The following ATRNL1 variants were observed in gnomAD, a reference collection of about 807,000 sequenced individuals.
The protein encoded by ATRNL1 is attractin-like protein 1.
A neutral mutation model predicts 182.7 loss-of-function variants in ATRNL1; 95 were observed. The ratio of observed to expected loss-of-function variants is 0.52; its 90% confidence interval spans 0.44 to 0.62. ATRNL1 has a LOEUF of 0.62. Ranked by LOEUF, ATRNL1 falls within the 20% of genes least tolerant of loss-of-function variation. ATRNL1 has a pLI of 0.00. For synonymous variants in ATRNL1, 576 were observed against 568.3 expected, an observed-to-expected ratio of 1.01 and a Z score of -0.19; for missense variants, 1,471 against 1,679.5, an observed-to-expected ratio of 0.88 and a Z score of 2.17.
rs17093551 is a variant in ATRNL1, at chr10:115,747,517, T to C, written c.3903+20162T>C. ...GGAGGCTGACTTTAACCAAGGAATA[T>C]GTAATGAATAGAACCCAAATACAGT... On this transcript the variant is annotated intron_variant, in intron 27 of 28. Transcript: ENST00000355044. Among the ~76,000 whole-genome samples the C allele has an allele frequency of 4.3e-3, 654 of 152,190 alleles. 21 individuals carry two copies. In the East Asian group the frequency reaches 0.056, roughly 13 times the overall value.
At chr10:115,540,774 G>C (rs371372544) in intron 25 of ATRNL1, among the ~76,000 whole-genome samples, 26,533 of 70,702 alleles carry the variant, frequency 0.38, 3,008 homozygotes, top group Non-Finnish European at 0.48. Flanking sequence ...AAAAAAAAAG[G>C]GGGGAGGGAA....
intron 28 of ATRNL1, among the ~76,000 whole-genome samples, chr10:115,870,062 T>C (rs782109614): frequency 6.7e-6 from 1 of 149,576 alleles, no homozygotes. Flanking sequence ...GTTATTTCCT[T>C]GGGACACATT....
chr10:115,138,662 C>G (rs1278031083), intron 5 of ATRNL1, among the ~76,000 whole-genome samples: 3 of 152,150 alleles, frequency 2.0e-5, no homozygotes, highest in African/African-American at 7.2e-5. Context: ...GCAGGGGGGC[C>G]CTGGGCCTGA....
intron 1 of ATRNL1, among the ~76,000 whole-genome samples, chr10:115,102,556 GC>G (rs1487843183): frequency 1.6e-4 from 25 of 152,236 alleles, no homozygotes; most frequent in South Asian, 8.3e-4. Context: ...CGGTTCTCCT[GC>G]CTCAGCCTCT....
intron 27 of ATRNL1, among the ~76,000 whole-genome samples, chr10:115,793,828 G>C (rs1284833840): frequency 2.0e-5 from 3 of 152,110 alleles, no homozygotes; most frequent in African/African-American, 7.2e-5. Flanking sequence ...TTTCTTTGTG[G>C]TGGGTGATGA....
intron 26 of ATRNL1, among the ~76,000 whole-genome samples, chr10:115,595,412 T>A (rs1439600926): frequency 1.3e-5 from 2 of 152,208 alleles, no homozygotes; most frequent in African/African-American, 4.8e-5. Flanking sequence ...ATATTATATA[T>A]TAACTAGTGA....
intron 28 of ATRNL1, among the ~76,000 whole-genome samples, chr10:115,874,693 C>CA (rs1555106813): frequency 3.3e-5 from 5 of 152,052 alleles, no homozygotes; most frequent in African/African-American, 1.2e-4. Flanking sequence ...CTGAGATTTC[C>CA]AAGTGATAGA....
chr10:115,667,457 G>A (rs1208309991), intron 26 of ATRNL1, among the ~76,000 whole-genome samples: 2 of 152,084 alleles, frequency 1.3e-5, no homozygotes, highest in Non-Finnish European at 2.9e-5. Flanking sequence ...GCTTAAGTCA[G>A]AACCTGTCTG....
chr10:115,411,005 G>A (rs1298385059), intron 20 of ATRNL1, among the ~76,000 whole-genome samples: 1 of 151,932 alleles, frequency 6.6e-6, no homozygotes, highest in African/African-American at 2.4e-5. Context: ...CAAAGTACTG[G>A]GACTACAGGC....
chr10:115,233,584 A>T (rs1336626696), intron 9 of ATRNL1, among the ~76,000 whole-genome samples: 1 of 152,134 alleles, frequency 6.6e-6, no homozygotes, highest in Non-Finnish European at 1.5e-5. Flanking sequence ...GATAACAGGC[A>T]TCTATTTTAT....
In ATRNL1 at chr10:115,544,390, A is replaced by G. The variant is rs1852528180; in HGVS notation, c.3717-5068A>G. On this transcript the variant is annotated intron_variant, in intron 25 of 28. Transcript: ENST00000355044. Reference sequence around the variant, plus strand: ...GATAAATTATAAAGAAAAGAGTTTAATTGGCTCATGGTTCTGCAGGCTTTA... The same window carrying G: ...GATAAATTATAAAGAAAAGAGTTTAGTTGGCTCATGGTTCTGCAGGCTTTA... Among the ~76,000 whole-genome samples, 2 of 152,178 alleles carry G rather than the reference A, an allele frequency of 1.3e-5. 1 individual carries two copies. Among genetic ancestry groups the G allele is most frequent in the Admixed American group, 1.3e-4 (2 of 15,270 alleles).
intron 28 of ATRNL1, among the ~76,000 whole-genome samples, chr10:115,925,228 A>G (rs1953189131): frequency 6.6e-6 from 1 of 152,108 alleles, no homozygotes; most frequent in Non-Finnish European, 1.5e-5. Context: ...TCCTATTTGA[A>G]TACCCTTTAT....
At chr10:115,653,477 T>C (rs937629096) in intron 26 of ATRNL1, among the ~76,000 whole-genome samples, 1 of 152,216 alleles carries the variant, frequency 6.6e-6, no homozygotes, top group Non-Finnish European at 1.5e-5. Flanking sequence ...TAGATCTGTT[T>C]GCAAACTTTG....
rs1554916753 is a variant in ATRNL1 at position 115,281,392 on chromosome 10, A to G, written c.2138A>G (p.Glu713Gly). ...KNYTKCHVRN[E>G]QICNKLTSCK... ...TACACCAAATGTCATGTGAGAAATGAGCAGATTTGTAACAAACTTACCAGC... is the reference window on the plus strand; with the variant it reads ...TACACCAAATGTCATGTGAGAAATGGGCAGATTTGTAACAAACTTACCAGC... The change falls in exon 14 of 29, where the codon GAG becomes GGG. Residue 713 changes from glutamate (E) to glycine (G), a missense_variant. By Grantham distance (98) the Glu-to-Gly change is moderately conservative. Coordinates refer to ENST00000355044, the MANE Select transcript of ATRNL1 (RefSeq NM_207303.4). 3.1e-6 allele frequency: 5 copies of G among 1,613,326 alleles called. No homozygotes were observed.
intron 26 of ATRNL1, among the ~76,000 whole-genome samples, chr10:115,665,879 G>T (rs1307726229): frequency 2.0e-5 from 3 of 152,208 alleles, no homozygotes; most frequent in African/African-American, 7.2e-5. Context: ...AGTGGTACCT[G>T]TTCCTCACTG....
chr10:115,887,044 G>T (rs1201091969), intron 28 of ATRNL1, among the ~76,000 whole-genome samples: 1 of 152,106 alleles, frequency 6.6e-6, no homozygotes, highest in East Asian at 1.9e-4. Context: ...CCATGTGCAG[G>T]CATCATGTAT....
chr10:115,860,114 T>C (rs1480080482), intron 28 of ATRNL1, among the ~76,000 whole-genome samples: 4 of 152,188 alleles, frequency 2.6e-5, no homozygotes, highest in Admixed American at 2.6e-4. Context: ...GAGCTGGGAC[T>C]GAAACTGGTC....
chr10:115,483,064 G>T (rs1427420998), intron 24 of ATRNL1, among the ~76,000 whole-genome samples: 1 of 151,008 alleles, frequency 6.6e-6, no homozygotes, highest in Non-Finnish European at 1.5e-5. Context: ...AAACATTTTG[G>T]TCCTATCAAA....
At chr10:115,531,084 A>G (rs1219372410) in intron 25 of ATRNL1, among the ~76,000 whole-genome samples, 1 of 152,026 alleles carries the variant, frequency 6.6e-6, no homozygotes. Flanking sequence ...GCCGCAATAA[A>G]CATATGTGTG....
Sources: allele counts gnomAD v4.1 joint callset (sites outside exome capture counted in the v4.1 genomes callset), GRCh38; gene constraint gnomAD v4.1.1; transcripts MANE v1.5; gene names NCBI Gene and HGNC (gene_info 2026-07-23, HGNC 2026-07-21).